The following TLL2 variants were observed in gnomAD, a reference collection of about 807,000 sequenced individuals.
TLL2 encodes the protein tolloid-like protein 2.
Under a neutral mutation model 123.0 loss-of-function variants are expected in TLL2, and 106 were observed. That is an observed-to-expected ratio of 0.86 (90% CI 0.74 to 1.01). The LOEUF (loss-of-function observed/expected upper bound fraction) is 1.01. Among genes scored for constraint, TLL2 ranks in the 50% least tolerant of loss-of-function variants. The pLI is 0.00. For synonymous variants in TLL2, 494 were observed against 516.8 expected, an observed-to-expected ratio of 0.96 and a Z score of 0.60; for missense variants, 1,332 against 1,336.7, an observed-to-expected ratio of 1.00 and a Z score of 0.06.
chr10:96,430,924 A>G (rs545206656), intron 4 of TLL2, among the ~76,000 whole-genome samples: 1 of 152,292 alleles, frequency 6.6e-6, no homozygotes, highest in African/African-American at 2.4e-5. Flanking sequence ...AACAACAACA[A>G]AAAATAGAAT....
intron 1 of TLL2, among the ~76,000 whole-genome samples, chr10:96,500,820 G>GGCAGGGA (rs1564920437): frequency 6.6e-6 from 1 of 151,514 alleles, no homozygotes; most frequent in Non-Finnish European, 1.5e-5. Flanking sequence ...GAGGGAGGGA[G>GGCAGGGA]GGGAGAGATT....
At chr10:96,431,831 C>T (rs1214926603) in intron 4 of TLL2, among the ~76,000 whole-genome samples, 1 of 152,046 alleles carries the variant, frequency 6.6e-6, no homozygotes, top group Non-Finnish European at 1.5e-5. Flanking sequence ...TGATGTGTCC[C>T]TTGACATAAG....
At chr10:96,392,318 C>A in intron 13 of TLL2, among the ~76,000 whole-genome samples, 1 of 152,192 alleles carries the variant, frequency 6.6e-6, no homozygotes, top group East Asian at 1.9e-4. Context: ...ATAAAAAAAT[C>A]AGGAGGTCCA....
chr10:96,394,605 G>C (rs1846319864), intron 13 of TLL2, among the ~76,000 whole-genome samples: 1 of 152,164 alleles, frequency 6.6e-6, no homozygotes, highest in Non-Finnish European at 1.5e-5. Flanking sequence ...GTAGTCTAGG[G>C]GCACTGATGT....
At chr10:96,482,132 C>T (rs1847317609) in intron 1 of TLL2, among the ~76,000 whole-genome samples, 1 of 152,146 alleles carries the variant, frequency 6.6e-6, no homozygotes, top group Admixed American at 6.5e-5. Flanking sequence ...GTGGCGGGCG[C>T]CTGTAGTCCC....
intron 6 of TLL2, 86 bp from the exon 7 acceptor site, chr10:96,421,147 C>T: frequency 1.0e-6 from 1 of 976,042 alleles, no homozygotes; most frequent in Admixed American, 1.8e-5. Context: ...GGGCCCATAA[C>T]AACTTCCCAG....
At position 96,395,954 on chromosome 10, in the gene TLL2, T is replaced by C; in HGVS notation, c.1451A>G (p.Tyr484Cys). 6.2e-7 allele frequency: 1 copy of C among 1,614,176 alleles called. No individual in the cohort carries two copies. The highest frequency in any genetic ancestry group is 2.2e-5 in the East Asian group (1 of 44,886). Residue 484 changes from tyrosine to cysteine, a missense_variant, in exon 12 of 21, where the codon TAC (tyrosine) becomes TGC (cysteine). Tyr to Cys is a radical substitution (Grantham distance 194, BLOSUM62 -2). Transcript: ENST00000357947. ...QIQSPNYPDD[Y>C]RPSKECVWRI... The stretch of plus-strand genomic sequence containing the variant: ...CCAGACACATTCCTTGGAAGGTCTG[T>C]AGTCATCCGGATAGTTGGGAGATTG...
intron 18 of TLL2, 54 bp from the exon 19 acceptor site, chr10:96,373,863 G>T: frequency 1.3e-6 from 2 of 1,549,364 alleles, no homozygotes; most frequent in Non-Finnish European, 1.8e-6. Flanking sequence ...AGCTGGGGTG[G>T]GGGCCTCCTT....
At chr10:96,472,315 C>A (rs183656695) in intron 2 of TLL2, among the ~76,000 whole-genome samples, 1 of 152,166 alleles carries the variant, frequency 6.6e-6, no homozygotes, top group African/African-American at 2.4e-5. Context: ...CCCCACTGAC[C>A]CATTCTCATT....
chr10:96,511,242 C>T (rs979672588), intron 1 of TLL2, among the ~76,000 whole-genome samples: 2 of 152,198 alleles, frequency 1.3e-5, no homozygotes, highest in African/African-American at 4.8e-5. Flanking sequence ...TGCAGTGTCC[C>T]GCTAGCCAAG....
At chr10:96,374,357 TA>T (rs1298942665) in intron 18 of TLL2, 8 of 162,118 alleles carry the variant, frequency 4.9e-5, no homozygotes, top group African/African-American at 9.6e-5. Context: ...CAAGGTCACA[TA>T]CTGAGAGTTG....
At chr10:96,486,695 C>T (rs1479377079) in intron 1 of TLL2, among the ~76,000 whole-genome samples, 2 of 152,216 alleles carry the variant, frequency 1.3e-5, no homozygotes, top group African/African-American at 4.8e-5. Context: ...GCTTCAGAAC[C>T]TGGAAGTTCA....
intron 2 of TLL2, among the ~76,000 whole-genome samples, chr10:96,477,311 C>G (rs1297968148): frequency 6.6e-6 from 1 of 151,486 alleles, no homozygotes; most frequent in Non-Finnish European, 1.5e-5. Context: ...ATGTACACAG[C>G]AAATTTCCCT....
At chr10:96,512,426 G>A (rs1847640881) in intron 1 of TLL2, among the ~76,000 whole-genome samples, 1 of 152,250 alleles carries the variant, frequency 6.6e-6, no homozygotes, top group Non-Finnish European at 1.5e-5. Flanking sequence ...AGGGCGTGAA[G>A]GGGCAACCAC....
chr10:96,502,805 G>C (rs972814284), intron 1 of TLL2, among the ~76,000 whole-genome samples: 2 of 152,224 alleles, frequency 1.3e-5, no homozygotes, highest in African/African-American at 4.8e-5. Flanking sequence ...GTGGGAGGCA[G>C]GGAAAGAGGC....
At position 96,373,702 on chromosome 10, in the gene TLL2, G is replaced by A. The variant is rs1350072675; in HGVS notation, c.2556C>T (p.Gly852=). The A allele has an allele frequency of 1.2e-6, 2 of 1,614,140 alleles. No homozygotes were observed. The highest frequency in any genetic ancestry group is 1.3e-5 in the African/African-American group (1 of 74,956). The change falls in exon 19 of 21, where the codon GGC becomes GGT. Residue 852 remains glycine (G), a synonymous_variant. Coordinates refer to ENST00000357947, the MANE Select transcript of TLL2 (RefSeq NM_012465.4). ...SLAPILGRFC[G]SKKPDPTVAS... is the part of the protein sequence containing the mutation. ...CCACCGTGGGGTCTGGTTTCTTGCT[G>A]CCGCAGAAACGGCCCAGAATGGGGG...
intron 1 of TLL2, among the ~76,000 whole-genome samples, chr10:96,506,453 A>ACCAT (rs1847581437): frequency 6.6e-6 from 1 of 151,190 alleles, no homozygotes; most frequent in Non-Finnish European, 1.5e-5. Flanking sequence ...TGGCTGGAGA[A>ACCAT]CCAGTGGTCA....
chr10:96,513,753 C>A lies in TLL2; in HGVS notation c.-68G>T, dbSNP rs934901751. 3 of 1,408,784 alleles carry A rather than the reference C, an allele frequency of 2.1e-6. No individual in the cohort carries two copies. Among genetic ancestry groups the A allele is most frequent in the Non-Finnish European group, 2.8e-6 (3 of 1,078,236 alleles). 87.3% of individuals were successfully genotyped at this position (1,408,784 alleles called of 1,614,324 possible). A position where few individuals can be genotyped will look rare whatever the true frequency, so the allele number is the denominator to read the frequency against. ...AAAGCTCAGCTCGGCCGAAAGACGG[C>A]GCACACTGGGTCGGTCGGCTCCGGC... On this transcript the variant is annotated 5_prime_UTR_variant, in exon 1 of 21. Coordinates refer to ENST00000357947, the MANE Select transcript of TLL2 (RefSeq NM_012465.4).
intron 10 of TLL2, among the ~76,000 whole-genome samples, chr10:96,404,986 C>T (rs1004601974): frequency 2.6e-5 from 4 of 152,178 alleles, no homozygotes; most frequent in African/African-American, 9.7e-5. Context: ...GTAGCTAGAG[C>T]TTTGCACACT....
Sources: gnomAD v4.1 joint callset for allele counts (sites outside exome capture counted in the v4.1 genomes callset) on GRCh38, gnomAD v4.1.1 for gene constraint, MANE v1.5 for transcripts, NCBI Gene and HGNC (gene_info 2026-07-23, HGNC 2026-07-21) for gene names.